Variants in VPS18 observed in about 807,000 individuals in gnomAD.
VPS18 encodes the protein vacuolar protein sorting-associated protein 18 homolog.
Under a neutral mutation model 82.0 loss-of-function variants are expected in VPS18, and 25 were observed. The observed-to-expected ratio is 0.30, with a 90% confidence interval of 0.22 to 0.43. VPS18 has a LOEUF of 0.43. Ranked by LOEUF, VPS18 falls within the 20% of genes least tolerant of loss-of-function variation. The probability of loss-of-function intolerance (pLI) is 1.00; values close to 1 mark genes in which losing one functional copy is unlikely to be tolerated. For synonymous variants in VPS18, 523 were observed against 543.0 expected, an observed-to-expected ratio of 0.96 and a Z score of 0.51; for missense variants, 1,168 against 1,311.1, an observed-to-expected ratio of 0.89 and a Z score of 1.69.
At chr15:40,895,793 G>T in intron 1 of VPS18, 145 bp from the exon 2 acceptor site, 1 of 1,111,938 alleles carries the variant, frequency 9.0e-7, no homozygotes, top group South Asian at 1.5e-5. Flanking sequence ...CAAACGACTT[G>T]ATATCAAACT....
Position 40,902,007 on chromosome 15 carries a change from C to T in VPS18, c.2197-609C>T, listed in dbSNP as rs758971002. ...ATGAAGTGCTATTTAACATGCAGTT[C>T]CTAGGCCTGAACTCAGGACTTACTG... On this transcript the variant is annotated intron_variant, in intron 4 of 4. Transcript: ENST00000220509. This position sits in a 1 kb window ranked among gnomAD's most constrained non-coding sequence, Gnocchi z 4.2. Among the ~76,000 whole-genome samples, 24 of 152,190 alleles carry T rather than the reference C, an allele frequency of 1.6e-4. No homozygotes were observed. Among genetic ancestry groups the T allele is most frequent in the Non-Finnish European group, 1.8e-4 (12 of 68,032 alleles).
intron 2 of VPS18, 47 bp downstream of exon 2, chr15:40,896,126 T>C: frequency 6.2e-7 from 1 of 1,607,764 alleles, no homozygotes; most frequent in African/African-American, 1.3e-5. Flanking sequence ...AGAGAGGTGT[T>C]TGGGGACTGT....
intron 2 of VPS18, among the ~76,000 whole-genome samples, chr15:40,898,306 C>G (rs1477081941): frequency 1.3e-5 from 2 of 151,318 alleles, no homozygotes; most frequent in Non-Finnish European, 2.9e-5. Context: ...GCTATATTGC[C>G]CAGGCAGGCC....
Position 40,895,833 on chromosome 15 carries a change from A to G in VPS18, c.92-105A>G, listed in dbSNP as rs938444577. ...GTTAACCAAGGTCCTGGGGATAGGAATATGTCAGGAAAGTGGCGAGGAGCA... is the reference window on the plus strand; with the variant it reads ...GTTAACCAAGGTCCTGGGGATAGGAGTATGTCAGGAAAGTGGCGAGGAGCA... On this transcript the variant is annotated intron_variant, in intron 1 of 4. Coordinates refer to ENST00000220509, the MANE Select transcript of VPS18 (RefSeq NM_020857.3). The G allele has an allele frequency of 6.8e-6, 10 of 1,475,312 alleles. No homozygotes were observed. The African/African-American group carries it at 1.1e-4, about 16-fold the overall frequency. 91.4% of individuals were successfully genotyped at this position (1,475,312 alleles called of 1,614,324 possible). A position where few individuals can be genotyped will look rare whatever the true frequency, so the allele number is the denominator to read the frequency against.
Position 40,903,202 on chromosome 15 carries a change from G to T in VPS18, c.2783G>T (p.Ser928Ile), listed in dbSNP as rs1461397913. ...GGTGGGGCTGCCACGGCAGGGCCCA[G>T]CCGGGAACAGCTCAAGGCTGACCTG... is the stretch of plus-strand genomic sequence containing the variant. The part of the protein sequence containing the change: ...AEGGAATAGP[S>I]REQLKADLDE... Residue 928 changes from serine to isoleucine, a missense_variant, in exon 5 of 5, where the codon AGC (serine) becomes ATC (isoleucine). By Grantham distance (142) the Ser-to-Ile change is moderately radical. Coordinates refer to ENST00000220509, the MANE Select transcript of VPS18 (RefSeq NM_020857.3). 9 of 1,610,824 alleles carry T rather than the reference G, an allele frequency of 5.6e-6. No individual in the cohort carries two copies. The East Asian group carries it at 1.6e-4, about 28-fold the overall frequency.
At position 40,899,384 on chromosome 15, in the gene VPS18, A is replaced by G; in HGVS notation, c.566A>G (p.Tyr189Cys). Residue 189 changes from tyrosine to cysteine, a missense_variant, in exon 4 of 5, where the codon TAC becomes TGC. Coordinates refer to ENST00000220509, the MANE Select transcript of VPS18 (RefSeq NM_020857.3). This position sits in a 1 kb window ranked among gnomAD's most constrained non-coding sequence, Gnocchi z 4.4. ...GGLFGPAPDL[Y>C]FRPLYVLNEE... Reference sequence around the variant, plus strand: ...CTTTTCGGCCCTGCTCCGGATCTCTACTTCCGCCCATTGTACGTGCTAAAT... The same window carrying G: ...CTTTTCGGCCCTGCTCCGGATCTCTGCTTCCGCCCATTGTACGTGCTAAAT... The G allele has an allele frequency of 1.2e-6, 2 of 1,608,598 alleles. No individual in the cohort carries two copies. The highest frequency in any genetic ancestry group is 1.7e-6 in the Non-Finnish European group (2 of 1,175,676).
rs539890514 is a variant in VPS18 at position 40,900,271 on chromosome 15, C to T, written c.1453C>T (p.Arg485Cys). Residue 485 changes from arginine (R) to cysteine (C), a missense_variant, in exon 4 of 5, where the codon CGT becomes TGT. Transcript: ENST00000220509. The surrounding 1 kb of genome is among the most constrained non-coding windows in gnomAD (Gnocchi z 5.4). ...ACTGGCCAGTTTGAAGCCAGCCGAACGTACCCAGGCCACACTGCTGACCAC... is the reference window on the plus strand; with the variant it reads ...ACTGGCCAGTTTGAAGCCAGCCGAATGTACCCAGGCCACACTGCTGACCAC... ...RKLASLKPAE[R>C]TQATLLTTWL... 10 of 1,613,784 alleles carry T rather than the reference C, an allele frequency of 6.2e-6. No homozygotes were observed. Among genetic ancestry groups the T allele is most frequent in the South Asian group, 4.4e-5 (4 of 91,070 alleles).
At chr15:40,901,539 A>G (rs947014820) in intron 4 of VPS18, among the ~76,000 whole-genome samples, 2 of 151,438 alleles carry the variant, frequency 1.3e-5, no homozygotes, top group African/African-American at 4.9e-5. Context: ...TTGAGCTGAG[A>G]TCACGCCATT....
rs779846036 is a variant in VPS18, at chr15:40,899,174, C to T, written c.356C>T (p.Thr119Met). 8 of 1,613,914 alleles carry T rather than the reference C, an allele frequency of 5.0e-6. No individual in the cohort carries two copies. Among genetic ancestry groups the T allele is most frequent in the East Asian group, 2.2e-5 (1 of 44,888 alleles). The change falls in exon 4 of 5, where the codon ACG (threonine) becomes ATG (methionine). Residue 119 changes from threonine to methionine, a missense_variant. Physicochemically the swap from Thr to Met is moderately conservative, Grantham distance 81 (BLOSUM62 -1). Around this residue, in one of 3 missense-constraint regions of VPS18, gnomAD observed 868 missense variants for 939.8 expected, o/e 0.92. Coordinates refer to ENST00000220509, the MANE Select transcript of VPS18 (RefSeq NM_020857.3). This position sits in a 1 kb window ranked among gnomAD's most constrained non-coding sequence, Gnocchi z 4.4. The part of the protein sequence containing the change: ...GSHLLIALSS[T>M]EVLYVNRNGQ... ...CACCTGCTGATTGCCCTGAGCAGCACGGAGGTCCTCTACGTGAACCGAAAT... is the reference window on the plus strand; with the variant it reads ...CACCTGCTGATTGCCCTGAGCAGCATGGAGGTCCTCTACGTGAACCGAAAT...
rs368947321 is a variant in VPS18, at chr15:40,902,583, G to A, written c.2197-33G>A. Reference sequence around the variant, plus strand: ...ATAGTCTCCATGTTGGGCAGGGAGGGGCTTGGCCCTAAAGCCCATGCTCTC... The same window carrying A: ...ATAGTCTCCATGTTGGGCAGGGAGGAGCTTGGCCCTAAAGCCCATGCTCTC... On this transcript the variant is annotated intron_variant, in intron 4 of 4. Transcript: ENST00000220509. This position sits in a 1 kb window ranked among gnomAD's most constrained non-coding sequence, Gnocchi z 4.2. 10 of 1,579,596 alleles carry A rather than the reference G, an allele frequency of 6.3e-6. No individual in the cohort carries two copies. The African/African-American group carries it at 6.7e-5, about 11-fold the overall frequency.
chr15:40,895,941 A>C lies in VPS18; in HGVS notation c.95A>C (p.Tyr32Ser). ...TCTTGTCATTCCTTACCTGTAGGGT[A>C]TGTGAATGCCCAGCTGGAGAAGGAA... ...CPSVGIPHSG[Y>S]VNAQLEKEVP... is the part of the protein sequence containing the mutation. Residue 32 changes from tyrosine to serine, a missense_variant, in exon 2 of 5, where the codon TAT (tyrosine) becomes TCT (serine). Tyr to Ser is a moderately radical substitution (Grantham distance 144). Around this residue, in one of 3 missense-constraint regions of VPS18, gnomAD observed 868 missense variants for 939.8 expected, o/e 0.92. Transcript: ENST00000220509. 6.2e-7 allele frequency: 1 copy of C among 1,614,144 alleles called. No individual in the cohort carries two copies. The highest frequency in any genetic ancestry group is 8.5e-7 in the Non-Finnish European group (1 of 1,180,002).
intron 4 of VPS18, among the ~76,000 whole-genome samples, chr15:40,901,364 G>A (rs1019636657): frequency 2.6e-5 from 4 of 152,144 alleles, no homozygotes; most frequent in Non-Finnish European, 5.9e-5. Flanking sequence ...CGAGGTGGGC[G>A]GATCACAAGG....
In VPS18 at chr15:40,899,046, C is replaced by A. The variant is rs113079818; in HGVS notation, c.325+48C>A. 9.7e-4 allele frequency: 1,565 copies of A among 1,606,164 alleles called. 1 individual carries two copies. Among genetic ancestry groups the A allele is most frequent in the Non-Finnish European group, 1.3e-3 (1,495 of 1,177,216 alleles). On this transcript the variant is annotated intron_variant, in intron 3 of 4. Coordinates refer to ENST00000220509, the MANE Select transcript of VPS18 (RefSeq NM_020857.3). The surrounding 1 kb of genome is among the most constrained non-coding windows in gnomAD (Gnocchi z 4.4). ...GGAGGGGGTCTCTGGTCAGTCACTG[C>A]CTGGGTGGGTGGGCTCTGAGGGTGG...
At position 40,900,150 on chromosome 15, in the gene VPS18, C is replaced by A. The variant is rs1377110893; in HGVS notation, c.1332C>A (p.Arg444=). ...AGCGTCGCTACCTGGAGAGCGCACG[C>A]TGCTATGCCCTGACCCAGAGCTACT... The part of the protein sequence containing the change: ...FRQRRYLESA[R]CYALTQSYFE... The change falls in exon 4 of 5, where the codon CGC becomes CGA. Residue 444 remains arginine (R), a synonymous_variant. Coordinates refer to ENST00000220509, the MANE Select transcript of VPS18 (RefSeq NM_020857.3). This position sits in a 1 kb window ranked among gnomAD's most constrained non-coding sequence, Gnocchi z 5.4. The A allele has an allele frequency of 6.2e-7, 1 of 1,613,808 alleles. No homozygotes were observed.
chr15:40,901,365 G>C (rs542407726), intron 4 of VPS18, among the ~76,000 whole-genome samples: 122 of 152,248 alleles, frequency 8.0e-4, no homozygotes, highest in African/African-American at 2.9e-3. Flanking sequence ...GAGGTGGGCG[G>C]ATCACAAGGT....
intron 2 of VPS18, 184 bp from the exon 3 acceptor site, chr15:40,898,723 T>C: frequency 2.9e-6 from 2 of 681,042 alleles, no homozygotes; most frequent in Non-Finnish European, 5.2e-6. Flanking sequence ...TCTACCCACC[T>C]CGGACTCCCA....
chr15:40,901,501 C>T (rs572732256), intron 4 of VPS18, among the ~76,000 whole-genome samples: 4 of 151,694 alleles, frequency 2.6e-5, no homozygotes, highest in Non-Finnish European at 4.4e-5. Flanking sequence ...GCAGGAGAAT[C>T]GCTTGAACCT....
At position 40,900,367 on chromosome 15, in the gene VPS18, C is replaced by T. The variant is rs1566870182; in HGVS notation, c.1549C>T (p.Arg517Ter). The T allele has an allele frequency of 2.5e-6, 4 of 1,613,694 alleles. No homozygotes were observed. Among genetic ancestry groups the T allele is most frequent in the Admixed American group, 3.3e-5 (2 of 60,022 alleles). Residue 517 changes from arginine to a stop codon, truncating the protein, a stop_gained, in exon 4 of 5, where the codon CGA becomes TGA. Coordinates refer to ENST00000220509, the MANE Select transcript of VPS18 (RefSeq NM_020857.3). LOFTEE classifies it high-confidence loss of function. The surrounding 1 kb of genome is among the most constrained non-coding windows in gnomAD (Gnocchi z 5.4). ...QGDPEALTLY[R>*]ETKECFRTFL... ...CGACCCAGAGGCCCTGACTCTCTAC[C>T]GAGAAACCAAGGAATGCTTTCGAAC...
At position 40,900,931 on chromosome 15, in the gene VPS18, G is replaced by A. The variant is rs767098206; in HGVS notation, c.2113G>A (p.Ala705Thr). The stretch of plus-strand genomic sequence containing the variant: ...CCTCAAGTATGCGCTGCGGCTCTGC[G>A]CCGAGCATGGCCACCACCGCGCTTG... ...YDLKYALRLCAEHGHHRACVH... is the reference protein window; with the variant it reads ...YDLKYALRLCTEHGHHRACVH... Residue 705 changes from alanine (A) to threonine (T), a missense_variant, in exon 4 of 5, where the codon GCC becomes ACC. Transcript: ENST00000220509. The surrounding 1 kb of genome is among the most constrained non-coding windows in gnomAD (Gnocchi z 5.4). The A allele has an allele frequency of 4.2e-5, 68 of 1,612,972 alleles. No homozygotes were observed. Among genetic ancestry groups the A allele is most frequent in the Non-Finnish European group, 5.3e-5 (62 of 1,180,028 alleles).
Sources: allele counts gnomAD v4.1 joint callset (sites outside exome capture counted in the v4.1 genomes callset), GRCh38; gene constraint gnomAD v4.1.1; regional missense constraint gnomAD v4.1.1; non-coding constraint Gnocchi (gnomAD v3.1); transcripts MANE v1.5; gene names NCBI Gene and HGNC (gene_info 2026-07-23, HGNC 2026-07-21).